The following FOXJ3 variants were observed in gnomAD, a reference collection of about 807,000 sequenced individuals.
The protein encoded by FOXJ3 is forkhead box protein J3.
FOXJ3 carries 22 observed loss-of-function variants against 76.1 expected under a neutral mutation model. That is an observed-to-expected ratio of 0.29 (90% CI 0.21 to 0.41). FOXJ3 has a LOEUF of 0.41. Among genes scored for constraint, FOXJ3 ranks in the 10% least tolerant of loss-of-function variants. The pLI is 1.00. For missense variants in FOXJ3, 613 were observed against 762.1 expected (o/e 0.80, Z 2.30); for synonymous variants, 269 against 261.2 (o/e 1.03, Z -0.29).
chr1:42,189,198 T>C (rs1341030810), intron 10 of FOXJ3, 105 bp downstream of exon 10: 14 of 787,980 alleles, frequency 1.8e-5, no homozygotes, highest in Non-Finnish European at 2.7e-5. Context: ...GCAAAAGAAA[T>C]GCTATATAAG....
intron 1 of FOXJ3, among the ~76,000 whole-genome samples, chr1:42,314,224 A>G (rs1570237660): frequency 1.3e-5 from 2 of 152,132 alleles, no homozygotes; most frequent in African/African-American, 4.8e-5. Context: ...CTAACTTAAC[A>G]AAAGAACTGA....
chr1:42,183,125 A>G (rs372519349), intron 11 of FOXJ3, among the ~76,000 whole-genome samples: 1 of 150,176 alleles, frequency 6.7e-6, no homozygotes, highest in African/African-American at 2.5e-5. Context: ...AAATACAAAG[A>G]ATTAGCTGGG....
chr1:42,192,001 T>A (rs1646557606), intron 8 of FOXJ3, among the ~76,000 whole-genome samples: 1 of 152,192 alleles, frequency 6.6e-6, no homozygotes, highest in Admixed American at 6.5e-5. Flanking sequence ...CCTTGTCTGT[T>A]CAGCTAGGAG....
chr1:42,327,821 G>T (rs1232350298), intron 1 of FOXJ3, among the ~76,000 whole-genome samples: 1 of 152,188 alleles, frequency 6.6e-6, no homozygotes, highest in Admixed American at 6.5e-5. Flanking sequence ...AGGACTCTAG[G>T]TAGGAGAATT....
At chr1:42,185,523 G>A (rs973928613) in intron 11 of FOXJ3, among the ~76,000 whole-genome samples, 13 of 151,946 alleles carry the variant, frequency 8.6e-5, no homozygotes, top group Non-Finnish European at 1.5e-4. Context: ...GTCTCCCAAA[G>A]TGAACATACT....
intron 3 of FOXJ3, 129 bp downstream of exon 3, chr1:42,278,219 A>C: frequency 6.9e-6 from 5 of 720,444 alleles, no homozygotes. Context: ...AAACTTTTTG[A>C]CATCCTAAAA....
intron 4 of FOXJ3, among the ~76,000 whole-genome samples, chr1:42,262,264 T>C (rs550866398): frequency 6.6e-6 from 1 of 152,160 alleles, no homozygotes. Flanking sequence ...TTAGTTTGTA[T>C]TGAGTTTCTG....
At chr1:42,204,283 A>G (rs1012699717) in intron 6 of FOXJ3, among the ~76,000 whole-genome samples, 9 of 151,904 alleles carry the variant, frequency 5.9e-5, no homozygotes, top group African/African-American at 2.2e-4. Flanking sequence ...TTTTTTTTCA[A>G]TCAAGGAGGT....
intron 4 of FOXJ3, among the ~76,000 whole-genome samples, chr1:42,234,652 T>A (rs1437895856): frequency 6.6e-6 from 1 of 152,216 alleles, no homozygotes; most frequent in Non-Finnish European, 1.5e-5. Context: ...TGTTAGAGTT[T>A]GCTGGAGGTC....
chr1:42,324,133 T>C (rs1408851912), intron 1 of FOXJ3, among the ~76,000 whole-genome samples: 1 of 142,976 alleles, frequency 7.0e-6, no homozygotes, highest in African/African-American at 2.6e-5. Context: ...ACAGTGTATA[T>C]ACAGTATATA....
intron 6 of FOXJ3, among the ~76,000 whole-genome samples, chr1:42,200,711 C>T (rs918358323): frequency 1.3e-5 from 2 of 152,128 alleles, no homozygotes; most frequent in African/African-American, 4.8e-5. Context: ...AACTCCTGAC[C>T]TCGTGATCCA....
At chr1:42,232,624 C>T (rs899894857) in intron 4 of FOXJ3, among the ~76,000 whole-genome samples, 50 of 151,662 alleles carry the variant, frequency 3.3e-4, no homozygotes, top group Middle Eastern at 3.4e-3. Context: ...TCATATCCTT[C>T]GCCCACTTTT....
At chr1:42,306,109 G>T (rs887355077) in intron 2 of FOXJ3, among the ~76,000 whole-genome samples, 1 of 152,044 alleles carries the variant, frequency 6.6e-6, no homozygotes, top group Non-Finnish European at 1.5e-5. Context: ...TAAAGCAAAC[G>T]ATCAAGGAAA....
chr1:42,261,088 T>C (rs1212832726), intron 4 of FOXJ3, among the ~76,000 whole-genome samples: 2 of 152,224 alleles, frequency 1.3e-5, no homozygotes, highest in Non-Finnish European at 2.9e-5. Context: ...AAGAAAATTA[T>C]ATTTTTTAAA....
intron 6 of FOXJ3, among the ~76,000 whole-genome samples, chr1:42,200,096 T>TCTA (rs1366367124): frequency 2.7e-5 from 4 of 150,868 alleles, no homozygotes; most frequent in African/African-American, 9.7e-5. Flanking sequence ...TCATGGACTC[T>TCTA]CTACAAAGGT....
intron 4 of FOXJ3, among the ~76,000 whole-genome samples, chr1:42,234,400 C>T (rs974970165): frequency 1.3e-5 from 2 of 152,142 alleles, no homozygotes; most frequent in Non-Finnish European, 2.9e-5. Flanking sequence ...TCTCTCAGCT[C>T]GTCAAAGTCA....
chr1:42,246,096 G>A (rs1361447811), intron 4 of FOXJ3, among the ~76,000 whole-genome samples: 1 of 152,084 alleles, frequency 6.6e-6, no homozygotes, highest in African/African-American at 2.4e-5. Context: ...AGGACATTGA[G>A]TAGACAAAGA....
intron 12 of FOXJ3, among the ~76,000 whole-genome samples, chr1:42,180,711 C>T (rs1646301425): frequency 6.6e-6 from 1 of 151,976 alleles, no homozygotes; most frequent in African/African-American, 2.4e-5. Context: ...AGGTAAAATG[C>T]CTCCATTTAA....
intron 2 of FOXJ3, among the ~76,000 whole-genome samples, chr1:42,293,818 A>AT (rs1260256719): frequency 6.6e-6 from 1 of 152,108 alleles, no homozygotes; most frequent in Non-Finnish European, 1.5e-5. Context: ...AGCTCCATAT[A>AT]TATGTGAGAC....
Sources: allele counts gnomAD v4.1 joint callset (sites outside exome capture counted in the v4.1 genomes callset), GRCh38; gene constraint gnomAD v4.1.1; transcripts MANE v1.5; gene names NCBI Gene and HGNC (gene_info 2026-07-23, HGNC 2026-07-21).